VPS35: variants seen among roughly 807,000 people sequenced by gnomAD.
VPS35 encodes VPS35 retromer complex component.
In VPS35, 21 loss-of-function variants were observed where a neutral mutation model predicts 98.1. That is an observed-to-expected ratio of 0.21 (90% CI 0.15 to 0.31). The LOEUF is 0.31. Ranked by LOEUF, VPS35 falls within the 10% of genes least tolerant of loss-of-function variation. VPS35 has a pLI of 1.00. For missense variants in VPS35, 554 were observed against 950.8 expected, an observed-to-expected ratio of 0.58 and a Z score of 5.49; for synonymous variants, 268 against 318.2, an observed-to-expected ratio of 0.84 and a Z score of 1.68.
chr16:46,662,876 C>G (rs1965933656), intron 14 of VPS35, 107 bp downstream of exon 14: 2 of 1,253,704 alleles, frequency 1.6e-6, no homozygotes, highest in South Asian at 2.5e-5. Context: ...GGTAGTTACA[C>G]ATTCAGTAAA....
intron 14 of VPS35, among the ~76,000 whole-genome samples, chr16:46,662,730 G>C (rs576262360): frequency 6.6e-6 from 1 of 152,262 alleles, no homozygotes; most frequent in Admixed American, 6.5e-5. Context: ...TGGGAATTGA[G>C]TGCATTTCCC....
Position 46,683,616 on chromosome 16 carries a change from A to G in VPS35, c.4-10T>C, listed in dbSNP as rs1966266987. ...ACTGCTGTGTTGTAGGCTGAAAAATAAAAAATTCCACTGATGTCTCAAGCA... is the reference window on the plus strand; with the variant it reads ...ACTGCTGTGTTGTAGGCTGAAAAATGAAAAATTCCACTGATGTCTCAAGCA... On this transcript the variant is annotated splice_polypyrimidine_tract_variant and intron_variant, in intron 1 of 16. Coordinates refer to ENST00000299138, the MANE Select transcript of VPS35 (RefSeq NM_018206.6). The G allele has an allele frequency of 6.3e-7, 1 of 1,597,296 alleles. No homozygotes were observed. Among genetic ancestry groups the G allele is most frequent in the East Asian group, 2.2e-5 (1 of 44,814 alleles).
chr16:46,660,885 C>A, intron 16 of VPS35: 1 of 510,820 alleles, frequency 2.0e-6, no homozygotes, highest in Non-Finnish European at 3.6e-6. Context: ...GTGGCTCATC[C>A]CTGTACTCCC....
rs1487572175 is a variant in VPS35 at position 46,673,057 on chromosome 16, T to C, written c.1161-585A>G. Among the ~76,000 whole-genome samples, 13 of 152,332 alleles carry C rather than the reference T, an allele frequency of 8.5e-5. No individual in the cohort carries two copies. The East Asian group carries it at 2.3e-3, about 27-fold the overall frequency. The stretch of plus-strand genomic sequence containing the variant: ...GGTTGTTATTTCTAATTACTTTGTC[T>C]ATTTTTACTTTAAAATTCACTTGGG... On this transcript the variant is annotated intron_variant, in intron 10 of 16. Transcript: ENST00000299138.
Position 46,658,542 on chromosome 16 carries a change from C to G in VPS35, c.*1930G>C, listed in dbSNP as rs1965862722. 6.5e-6 allele frequency: 1 copy of G among 153,584 alleles called. No homozygotes were observed. The highest frequency in any genetic ancestry group is 1.9e-4 in the East Asian group (1 of 5,204). The allele number at this position is 153,584 out of a possible 1,614,324, so 9.5% of individuals were successfully genotyped here. A position where few individuals can be genotyped will look rare whatever the true frequency, so the allele number is the denominator to read the frequency against. ...CAGAAAATAAGAGATAATTTACACA[C>G]TGTACTGACATTACCTTACTTGCAA... On this transcript the variant is annotated 3_prime_UTR_variant, in exon 17 of 17. Coordinates refer to ENST00000299138, the MANE Select transcript of VPS35 (RefSeq NM_018206.6).
intron 16 of VPS35, 168 bp from the exon 17 acceptor site, chr16:46,660,819 TC>T: frequency 7.5e-6 from 1 of 132,782 alleles, no homozygotes; most frequent in Non-Finnish European, 1.3e-5. Flanking sequence ...TTACTGACTA[TC>T]AAAAAAAAAA....
chr16:46,681,179 T>C (rs1966228712), intron 4 of VPS35, among the ~76,000 whole-genome samples, 198 bp downstream of exon 4: 1 of 152,150 alleles, frequency 6.6e-6, no homozygotes, highest in Non-Finnish European at 1.5e-5. Flanking sequence ...ATTTTTTCTA[T>C]TTCCAAAATT....
Position 46,668,943 on chromosome 16 carries a change from T to C in VPS35, c.1634A>G (p.Glu545Gly). ...AAYQLAFRYK[E>G]NSKVDDKWEK... is the part of the protein sequence containing the mutation. ...AAGTAAACTCACCACTTTAGAATTC[T>C]CTTTATATCGAAAAGCCAGCTGGTA... is the stretch of plus-strand genomic sequence containing the variant. The change falls in exon 13 of 17, where the codon GAG (glutamate) becomes GGG (glycine). Residue 545 changes from glutamate (E) to glycine (G), a missense_variant. By Grantham distance (98) the Glu-to-Gly change is moderately conservative. Around this residue, in one of 5 missense-constraint regions of VPS35, gnomAD observed 254 missense variants for 390.1 expected, o/e 0.65. Coordinates refer to ENST00000299138, the MANE Select transcript of VPS35 (RefSeq NM_018206.6). 6.2e-7 allele frequency: 1 copy of C among 1,614,180 alleles called. No homozygotes were observed. The highest frequency in any genetic ancestry group is 1.1e-5 in the South Asian group (1 of 91,088).
At position 46,661,575 on chromosome 16, in the gene VPS35, T is replaced by C; in HGVS notation, c.2211+143A>G. On this transcript the variant is annotated intron_variant, in intron 16 of 16. Transcript: ENST00000299138. This position sits in a 1 kb window ranked among gnomAD's most constrained non-coding sequence, Gnocchi z 4.3. ...AACATTATGACAAATTAGCCTATTA[T>C]TTGACATCTGTAAATTATTTTACAT... 2 of 834,878 alleles carry C rather than the reference T, an allele frequency of 2.4e-6. No homozygotes were observed. The highest frequency in any genetic ancestry group is 3.7e-6 in the Non-Finnish European group (2 of 535,908). The allele number at this position is 834,878 out of a possible 1,614,324, so 51.7% of individuals were successfully genotyped here. A position where few individuals can be genotyped will look rare whatever the true frequency, so the allele number is the denominator to read the frequency against.
At position 46,683,564 on chromosome 16, in the gene VPS35, A is replaced by G. The variant is rs542307781; in HGVS notation, c.46T>C (p.Leu16=). 3 of 1,614,034 alleles carry G rather than the reference A, an allele frequency of 1.9e-6. No individual in the cohort carries two copies. Among genetic ancestry groups the G allele is most frequent in the African/African-American group, 2.7e-5 (2 of 75,046 alleles). ...QSPQDEQEKL[L]DEAIQAVKVQ... The stretch of plus-strand genomic sequence containing the variant: ...TTCACAGCCTGTATGGCTTCATCCA[A>G]GAGCTTTTCCTGCTCATCCTGAGGG... The change falls in exon 2 of 17, where the codon TTG becomes CTG. Residue 16 remains leucine, a synonymous_variant. Coordinates refer to ENST00000299138, the MANE Select transcript of VPS35 (RefSeq NM_018206.6).
At chr16:46,671,444 T>C (rs1366462014) in intron 12 of VPS35, among the ~76,000 whole-genome samples, 1 of 152,028 alleles carries the variant, frequency 6.6e-6, no homozygotes, top group East Asian at 1.9e-4. Context: ...TATGTGTTTA[T>C]ATATAAAGTA....
At chr16:46,680,503 A>G (rs1265999788) in intron 5 of VPS35, among the ~76,000 whole-genome samples, 168 bp downstream of exon 5, 3 of 152,250 alleles carry the variant, frequency 2.0e-5, no homozygotes, top group Non-Finnish European at 4.4e-5. Flanking sequence ...GATACCACAT[A>G]TACTGAGGAG....
rs1186313084 is a variant in VPS35, at chr16:46,679,133, C to T, written c.530G>A (p.Ser177Asn). Reference protein sequence around the residue: ...PTDEETTGDISDSMDFVLLNF... With the variant: ...PTDEETTGDINDSMDFVLLNF... Reference sequence around the variant, plus strand: ...GAGCAGTACAAAATCCATGGAATCACTGATGTCACCAGTTGTTTCTTCACT... The same window carrying T: ...GAGCAGTACAAAATCCATGGAATCATTGATGTCACCAGTTGTTTCTTCACT... The change falls in exon 6 of 17, where the codon AGT becomes AAT. Residue 177 changes from serine (S) to asparagine (N), a missense_variant. By Grantham distance (46) the Ser-to-Asn change is conservative. This residue lies in a region of VPS35 where 77 missense variants were observed against 222.3 expected (regional missense o/e 0.35). Transcript: ENST00000299138. 6.2e-7 allele frequency: 1 copy of T among 1,612,176 alleles called. No individual in the cohort carries two copies. The highest frequency in any genetic ancestry group is 1.1e-5 in the South Asian group (1 of 90,958).
chr16:46,676,670 A>C lies in VPS35; in HGVS notation c.827T>G (p.Leu276Arg). The change falls in exon 8 of 17, where the codon CTC becomes CGC. Residue 276 changes from leucine to arginine, a missense_variant. Around this residue, in one of 5 missense-constraint regions of VPS35, gnomAD observed 254 missense variants for 390.1 expected, o/e 0.65. Coordinates refer to ENST00000299138, the MANE Select transcript of VPS35 (RefSeq NM_018206.6). ...IIQVFPDEFH[L>R]QTLNPFLRAC... ...CCGAAGAAAAGGATTCAAAGTCTGG[A>C]GGTGAAATTCATCAGGGAAAACCTG... 6.2e-7 allele frequency: 1 copy of C among 1,613,300 alleles called. No homozygotes were observed. The highest frequency in any genetic ancestry group is 8.5e-7 in the Non-Finnish European group (1 of 1,179,390).
intron 13 of VPS35, among the ~76,000 whole-genome samples, chr16:46,665,364 A>G (rs893987194): frequency 1.3e-5 from 2 of 152,288 alleles, no homozygotes; most frequent in African/African-American, 4.8e-5. Flanking sequence ...GAGGCCAAGG[A>G]GGCAGGAGGA....
In VPS35 at chr16:46,661,831, G is replaced by A; in HGVS notation, c.2098C>T (p.Leu700=). 6.2e-7 allele frequency: 1 copy of A among 1,614,014 alleles called. No individual in the cohort carries two copies. ...LHGGKRVMEC[L]KKALKIANQC... is the part of the protein sequence containing the mutation. ...TTTGCTATTTTTAGAGCTTTTTTTA[G>A]GCACTCCATTACCCTCTTGCCTCCG... The change falls in exon 16 of 17, where the codon CTA becomes TTA. Residue 700 remains leucine (L), a synonymous_variant. Transcript: ENST00000299138. The surrounding 1 kb of genome is among the most constrained non-coding windows in gnomAD (Gnocchi z 4.3).
Position 46,671,708 on chromosome 16 carries a change from G to A in VPS35, c.1521C>T (p.Tyr507=), listed in dbSNP as rs2143007416. 1 of 1,614,118 alleles carries A rather than the reference G, an allele frequency of 6.2e-7. No individual in the cohort carries two copies. Among genetic ancestry groups the A allele is most frequent in the Non-Finnish European group, 8.5e-7 (1 of 1,179,990 alleles). The change falls in exon 12 of 17, where the codon TAC becomes TAT. Residue 507 remains tyrosine (Y), a synonymous_variant. Coordinates refer to ENST00000299138, the MANE Select transcript of VPS35 (RefSeq NM_018206.6). ...LLRSEDPDQQ[Y]LILNTARKHF... ...TATACTAAGGGTAAACTCATACCAA[G>A]TACTGCTGGTCAGGGTCCTCAGAGC...
At position 46,661,802 on chromosome 16, in the gene VPS35, C is replaced by G; in HGVS notation, c.2127G>C (p.Gln709His). Residue 709 changes from glutamine to histidine, a missense_variant, in exon 16 of 17, where the codon CAG becomes CAC. Physicochemically the swap from Gln to His is conservative, Grantham distance 24. Transcript: ENST00000299138. The surrounding 1 kb of genome is among the most constrained non-coding windows in gnomAD (Gnocchi z 4.3). ...GCACTTGTAGAGAGGGGTCCATGCACTGATTTGCTATTTTTAGAGCTTTTT... is the reference window on the plus strand; with the variant it reads ...GCACTTGTAGAGAGGGGTCCATGCAGTGATTTGCTATTTTTAGAGCTTTTT... The part of the protein sequence containing the change: ...CLKKALKIAN[Q>H]CMDPSLQVQL... The G allele has an allele frequency of 6.2e-7, 1 of 1,614,122 alleles. No individual in the cohort carries two copies.
At chr16:46,677,682 C>T (rs1596721198) in intron 6 of VPS35, 2 of 399,784 alleles carry the variant, frequency 5.0e-6, no homozygotes, top group South Asian at 4.7e-5. Flanking sequence ...ACTACAGGTA[C>T]GTTCCACCAT....
Sources: gnomAD v4.1 joint callset for allele counts (sites outside exome capture counted in the v4.1 genomes callset) on GRCh38, gnomAD v4.1.1 for gene constraint, gnomAD v4.1.1 regional missense constraint, Gnocchi (gnomAD v3.1) non-coding constraint, MANE v1.5 for transcripts, NCBI Gene and HGNC (gene_info 2026-07-23, HGNC 2026-07-21) for gene names.